DDX4: variants seen among roughly 807,000 people sequenced by gnomAD.
The protein encoded by DDX4 is probable ATP-dependent RNA helicase DDX4.
DDX4 carries 25 observed loss-of-function variants against 100.0 expected under a neutral mutation model. The ratio of observed to expected loss-of-function variants is 0.25; its 90% CI spans 0.18 to 0.35. The LOEUF (loss-of-function observed/expected upper bound fraction) is 0.35. DDX4 is among the 10% of genes least tolerant of loss of function. The pLI is 1.00. For synonymous variants in DDX4, 259 were observed against 275.7 expected (o/e 0.94, Z 0.60); for missense variants, 635 against 882.4 (o/e 0.72, Z 3.55).
intron 3 of DDX4, among the ~76,000 whole-genome samples, chr5:55,753,515 T>A (rs1269535685): frequency 6.6e-6 from 1 of 152,222 alleles, no homozygotes; most frequent in Non-Finnish European, 1.5e-5. Context: ...GGCTCTGTTC[T>A]GTTCCATTGG....
intron 4 of DDX4, among the ~76,000 whole-genome samples, chr5:55,761,240 A>G (rs1396847069): frequency 6.6e-6 from 1 of 152,188 alleles, no homozygotes; most frequent in East Asian, 1.9e-4. Flanking sequence ...TAATTGTGCT[A>G]AGAGATTCAG....
intron 15 of DDX4, 90 bp downstream of exon 15, chr5:55,788,090 T>C: frequency 8.9e-7 from 1 of 1,124,388 alleles, no homozygotes; most frequent in Non-Finnish European, 1.2e-6. Flanking sequence ...AATAATGCAC[T>C]CATGTAATTT....
intron 21 of DDX4, among the ~76,000 whole-genome samples, chr5:55,815,774 C>CTTTTT (rs67244556): frequency 7.4e-6 from 1 of 135,988 alleles, no homozygotes; most frequent in South Asian, 2.3e-4. Flanking sequence ...TTTTTCTTTT[C>CTTTTT]TTTTTTTTTT....
intron 18 of DDX4, among the ~76,000 whole-genome samples, chr5:55,812,350 A>T (rs1333823696): frequency 6.6e-6 from 1 of 152,172 alleles, no homozygotes; most frequent in Non-Finnish European, 1.5e-5. Context: ...TCACGAGGTT[A>T]GGAGATTGAG....
At chr5:55,763,121 G>T in intron 4 of DDX4, 54 bp from the exon 5 acceptor site, 1 of 1,170,956 alleles carries the variant, frequency 8.5e-7, no homozygotes, top group South Asian at 1.3e-5. Flanking sequence ...AGTTTTTGAT[G>T]ATGACACACT....
Position 55,811,154 on chromosome 5 carries a change from G to A in DDX4, c.1616-2519G>A, listed in dbSNP as rs1223393122. Among the ~76,000 whole-genome samples, 4 of 151,990 alleles carry A rather than the reference G, an allele frequency of 2.6e-5. No individual in the cohort carries two copies. In the East Asian group the frequency reaches 7.7e-4, roughly 29 times the overall value. On this transcript the variant is annotated intron_variant, in intron 18 of 21. Coordinates refer to ENST00000505374, the MANE Select transcript of DDX4 (RefSeq NM_024415.3). ...GGAAAAAAAACTCTCATAAGCGAAA[G>A]CATTAAACAGTAAATTAAGAAAGTA...
chr5:55,738,991 A>G lies in DDX4; in HGVS notation c.28A>G (p.Ile10Val). 2 of 1,607,812 alleles carry G rather than the reference A, an allele frequency of 1.2e-6. No individual in the cohort carries two copies. The highest frequency in any genetic ancestry group is 1.7e-6 in the Non-Finnish European group (2 of 1,174,736). Residue 10 changes from isoleucine (I) to valine (V), a missense_variant, in exon 2 of 22, where the codon ATC (isoleucine) becomes GTC (valine). Physicochemically the swap from Ile to Val is conservative, Grantham distance 29 (BLOSUM62 3). Transcript: ENST00000505374. ...GGGAGATGAAGATTGGGAAGCAGAA[A>G]TCAACCCTCATATGTCTTCCTATGT... MGDEDWEAE[I>V]NPHMSSYVPI... is the part of the protein sequence containing the mutation.
chr5:55,782,798 CTT>C (rs1274012590), intron 10 of DDX4, among the ~76,000 whole-genome samples: 11 of 137,520 alleles, frequency 8.0e-5, no homozygotes, highest in Admixed American at 1.4e-4. Context: ...TTTTTCTTTT[CTT>C]TTTTTTTTTT....
In DDX4 at chr5:55,815,363, C is replaced by T. The variant is rs773439110; in HGVS notation, c.2037C>T (p.Tyr679=). 1.2e-6 allele frequency: 2 copies of T among 1,613,850 alleles called. No homozygotes were observed. Among genetic ancestry groups the T allele is most frequent in the South Asian group, 1.1e-5 (1 of 90,936 alleles). The change falls in exon 21 of 22, where the codon TAC becomes TAT. Residue 679 remains tyrosine, a synonymous_variant. Transcript: ENST00000505374. ...TGGAAGAAATTGCCTTTAGTACATA[C>T]ATTCCTGGCTTCAGTGGTAGTACAA... The part of the protein sequence containing the change: ...AWLEEIAFST[Y]IPGFSGSTRG...
intron 7 of DDX4, among the ~76,000 whole-genome samples, chr5:55,771,169 C>T (rs114379826): frequency 1.1e-3 from 163 of 152,182 alleles, no homozygotes; most frequent in African/African-American, 3.6e-3. Context: ...GGTACACATA[C>T]CATAAGTGTA....
chr5:55,770,086 T>A (rs1249899177), intron 7 of DDX4, among the ~76,000 whole-genome samples: 1 of 152,128 alleles, frequency 6.6e-6, no homozygotes, highest in Non-Finnish European at 1.5e-5. Flanking sequence ...CAGGCTGGTC[T>A]GGAACTCCTG....
At chr5:55,808,884 C>G (rs541374610) in intron 18 of DDX4, among the ~76,000 whole-genome samples, 5 of 152,208 alleles carry the variant, frequency 3.3e-5, no homozygotes, top group African/African-American at 1.2e-4. Flanking sequence ...ATTCTGCTGC[C>G]TTTTGTTTGT....
intron 18 of DDX4, among the ~76,000 whole-genome samples, chr5:55,807,604 A>T (rs764385834): frequency 1.3e-5 from 2 of 152,138 alleles, no homozygotes; most frequent in Admixed American, 6.5e-5. Context: ...CTGGATATGA[A>T]ATTCTGGGTT....
intron 7 of DDX4, among the ~76,000 whole-genome samples, chr5:55,769,792 A>G (rs1342749062): frequency 2.0e-5 from 3 of 152,206 alleles, no homozygotes; most frequent in African/African-American, 7.2e-5. Flanking sequence ...TAACCAAAAC[A>G]GCGTGGTACT....
At chr5:55,778,893 C>CAAA (rs35427276) in intron 7 of DDX4, among the ~76,000 whole-genome samples, 7 of 147,284 alleles carry the variant, frequency 4.8e-5, no homozygotes, top group African/African-American at 1.0e-4. Context: ...GACTTCGCCT[C>CAAA]AAAAAAAAAA....
chr5:55,745,883 A>G (rs904791001), intron 2 of DDX4, among the ~76,000 whole-genome samples: 2 of 152,196 alleles, frequency 1.3e-5, no homozygotes, highest in African/African-American at 2.4e-5. Context: ...ACTTCAATCA[A>G]ACTCTTTACA....
In DDX4 at chr5:55,766,472, T is replaced by C. The variant is rs137857875; in HGVS notation, c.335-1409T>C. On this transcript the variant is annotated intron_variant, in intron 6 of 21. Coordinates refer to ENST00000505374, the MANE Select transcript of DDX4 (RefSeq NM_024415.3). The stretch of plus-strand genomic sequence containing the variant: ...TTTTTTTTCTCGAAAGCAGTAAATA[T>C]TAGTTATCATCATTGTTATTCCAGG... Among the ~76,000 whole-genome samples, 1,131 of 151,500 alleles carry C rather than the reference T, an allele frequency of 7.5e-3. 5 individuals are homozygous for C. The highest frequency in any genetic ancestry group is 0.012 in the Non-Finnish European group (786 of 67,884).
intron 10 of DDX4, among the ~76,000 whole-genome samples, chr5:55,785,004 G>T (rs568446460): frequency 1.2e-4 from 18 of 152,220 alleles, no homozygotes; most frequent in Middle Eastern, 6.8e-3. Flanking sequence ...ATGGTCTTGG[G>T]GACACCCCTC....
chr5:55,811,480 A>G (rs1015414283), intron 18 of DDX4, among the ~76,000 whole-genome samples: 1 of 152,138 alleles, frequency 6.6e-6, no homozygotes, highest in African/African-American at 2.4e-5. Flanking sequence ...AATTTTTAAT[A>G]TGGTAAATAT....
Sources: gnomAD v4.1 joint callset for allele counts (sites outside exome capture counted in the v4.1 genomes callset) on GRCh38, gnomAD v4.1.1 for gene constraint, MANE v1.5 for transcripts, NCBI Gene and HGNC (gene_info 2026-07-23, HGNC 2026-07-21) for gene names.